Variants in SCN8A observed in about 807,000 individuals in gnomAD.
SCN8A encodes sodium channel protein type 8 subunit alpha.
In SCN8A, 30 loss-of-function variants were observed where a neutral mutation model predicts 184.1. The ratio of observed to expected loss-of-function variants is 0.16; its 90% confidence interval spans 0.12 to 0.22. SCN8A has a LOEUF of 0.22. Ranked by LOEUF, SCN8A falls within the 10% of genes least tolerant of loss-of-function variation. The probability of loss-of-function intolerance (pLI) is 1.00; values close to 1 mark genes in which losing one functional copy is unlikely to be tolerated. For missense variants in SCN8A, 1,057 were observed against 2,498.9 expected (o/e 0.42, Z 12.30); for synonymous variants, 852 against 907.0 (o/e 0.94, Z 1.09).
chr12:51,706,287 T>C, intron 10 of SCN8A, 135 bp from the exon 11 acceptor site: 1 of 782,752 alleles, frequency 1.3e-6, no homozygotes, highest in Non-Finnish European at 1.9e-6. Flanking sequence ...AGAAACCCTC[T>C]AACAGTCTAG....
chr12:51,604,294 C>G (rs1334981839), intron 1 of SCN8A, among the ~76,000 whole-genome samples: 1 of 150,044 alleles, frequency 6.7e-6, no homozygotes, highest in Admixed American at 6.6e-5. Flanking sequence ...GTGCAGTTAA[C>G]TGTTTGAGCA....
chr12:51,780,251 CAG>C (rs1565923235), intron 20 of SCN8A: 3 of 456,486 alleles, frequency 6.6e-6, no homozygotes, highest in Admixed American at 2.3e-5. Context: ...CTGGGACCTG[CAG>C]AGACTGTAAA....
chr12:51,712,131 C>T (rs1478433614), intron 11 of SCN8A, among the ~76,000 whole-genome samples: 1 of 152,084 alleles, frequency 6.6e-6, no homozygotes, highest in Non-Finnish European at 1.5e-5. Flanking sequence ...CCACAATTTA[C>T]AGGGCAATAT....
At chr12:51,722,156 G>C in intron 12 of SCN8A, 1 of 589,450 alleles carries the variant, frequency 1.7e-6, no homozygotes, top group South Asian at 2.3e-5. Context: ...TTTATTCTTT[G>C]CTCCATTTTC....
rs148518216 is a variant in SCN8A at position 51,677,921 on chromosome 12, G to C, written c.277-6253G>C. On this transcript the variant is annotated intron_variant, in intron 2 of 26. Transcript: ENST00000627620. ...AAAGATCTAATTTGAGACAGATTAG[G>C]TAAAATATTATTGGACTTCATGGGC... is the stretch of plus-strand genomic sequence containing the variant. 3.9e-5 allele frequency among the ~76,000 whole-genome samples: 6 copies of C among 152,220 alleles called. No homozygotes were observed. The East Asian group carries it at 9.7e-4, about 25-fold the overall frequency.
chr12:51,678,491 C>T (rs1315395356), intron 2 of SCN8A, among the ~76,000 whole-genome samples: 1 of 152,212 alleles, frequency 6.6e-6, no homozygotes, highest in South Asian at 2.1e-4. Context: ...TGTGAATTTT[C>T]TAAATCGTAG....
rs553112173 is a variant in SCN8A, at chr12:51,788,611, C to A, written c.4228-84C>A. ...CCCCTGTTCTGTGTTCTCACTGAAC[C>A]TAAGCCTGGCCTTTGGGACCCCTGC... is the stretch of plus-strand genomic sequence containing the variant. On this transcript the variant is annotated intron_variant, in intron 22 of 26. Coordinates refer to ENST00000627620, the MANE Select transcript of SCN8A (RefSeq NM_001330260.2). The A allele has an allele frequency of 4.4e-5, 46 of 1,053,534 alleles. No homozygotes were observed. The African/African-American group carries it at 5.5e-4, about 13-fold the overall frequency. 65.3% of individuals were successfully genotyped at this position (1,053,534 alleles called of 1,614,324 possible). A position where few individuals can be genotyped will look rare whatever the true frequency, so the allele number is the denominator to read the frequency against.
At chr12:51,634,455 C>T (rs1940268435) in intron 1 of SCN8A, among the ~76,000 whole-genome samples, 1 of 151,956 alleles carries the variant, frequency 6.6e-6, no homozygotes, top group Non-Finnish European at 1.5e-5. Context: ...TGAAACAAAT[C>T]AACTGTAATA....
intron 1 of SCN8A, among the ~76,000 whole-genome samples, chr12:51,631,969 C>T (rs188306852): frequency 6.6e-6 from 1 of 152,206 alleles, no homozygotes; most frequent in Non-Finnish European, 1.5e-5. Context: ...TACATCCCCC[C>T]ACTCCCCTGT....
At chr12:51,770,721 G>T in intron 19 of SCN8A, 38 bp downstream of exon 19, 1 of 1,606,804 alleles carries the variant, frequency 6.2e-7, no homozygotes, top group Non-Finnish European at 8.5e-7. Context: ...GGATTGGCTG[G>T]GGAAGGGTGT....
intron 13 of SCN8A, among the ~76,000 whole-genome samples, chr12:51,750,523 A>G (rs1469504514): frequency 3.3e-5 from 5 of 152,164 alleles, no homozygotes; most frequent in African/African-American, 9.7e-5. Flanking sequence ...TGTATTTCTA[A>G]CTCAACCATG....
At position 51,806,316 on chromosome 12, in the gene SCN8A, T is replaced by C. The variant is rs567959849; in HGVS notation, c.4830T>C (p.Phe1610=). The part of the protein sequence containing the change: ...MFLADIIEKY[F]VSPTLFRVIR... ...TGGCAGATATAATTGAGAAATACTT[T>C]GTTTCCCCAACCCTATTCCGAGTCA... Residue 1610 remains phenylalanine, a synonymous_variant, in exon 27 of 27, where the codon TTT becomes TTC. Transcript: ENST00000627620. The surrounding 1 kb of genome is among the most constrained non-coding windows in gnomAD (Gnocchi z 8.7). 6.6e-7 allele frequency: 1 copy of C among 1,523,094 alleles called. No homozygotes were observed. The highest frequency in any genetic ancestry group is 1.4e-5 in the African/African-American group (1 of 72,192). The allele number at this position is 1,523,094 out of a possible 1,614,324, so 94.3% of individuals were successfully genotyped here.
intron 2 of SCN8A, among the ~76,000 whole-genome samples, chr12:51,679,873 A>G (rs912171702): frequency 6.6e-6 from 1 of 151,890 alleles, no homozygotes; most frequent in African/African-American, 2.4e-5. Flanking sequence ...CTACAGGCAC[A>G]TGCCACCATG....
At position 51,786,751 on chromosome 12, in the gene SCN8A, T is replaced by C. The variant is rs747144024; in HGVS notation, c.4152T>C (p.Asn1384=). ...GTGAAAAGCTTATGGAGGGGAACAA[T>C]ACAGAGATCAGATGGAAGAACGTGA... The part of the protein sequence containing the change: ...TECEKLMEGN[N]TEIRWKNVKI... Residue 1384 remains asparagine (N), a synonymous_variant, in exon 22 of 27, where the codon AAT becomes AAC. Transcript: ENST00000627620. The C allele has an allele frequency of 3.1e-6, 5 of 1,613,988 alleles. No individual in the cohort carries two copies. The highest frequency in any genetic ancestry group is 3.4e-6 in the Non-Finnish European group (4 of 1,179,880).
rs1229785692 is a variant in SCN8A at position 51,727,383 on chromosome 12, C to CA, written c.1998+5482dup. 3.3e-5 allele frequency among the ~76,000 whole-genome samples: 5 copies of CA among 150,468 alleles called. No homozygotes were observed. In the East Asian group the frequency reaches 9.7e-4, roughly 29 times the overall value. ...CACTCACCAACAACACAACACAAAA[C>CA]AAAAAAACTATACACCTCCATTTGC... On this transcript the variant is annotated intron_variant, in intron 12 of 26. Transcript: ENST00000627620.
chr12:51,745,801 C>A, intron 12 of SCN8A, 102 bp from the exon 13 acceptor site: 3 of 921,766 alleles, frequency 3.3e-6, no homozygotes, highest in Non-Finnish European at 4.6e-6. Flanking sequence ...AAGTTAAAGA[C>A]TGTAATGAAG....
Position 51,662,769 on chromosome 12 carries a change from AC to A in SCN8A, c.-47del, listed in dbSNP as rs908952648. The A allele has an allele frequency of 6.3e-7, 1 of 1,587,114 alleles. No homozygotes were observed. Among genetic ancestry groups the A allele is most frequent in the African/African-American group, 1.3e-5 (1 of 74,292 alleles). On this transcript the variant is annotated 5_prime_UTR_variant, in exon 2 of 27. Coordinates refer to ENST00000627620, the MANE Select transcript of SCN8A (RefSeq NM_001330260.2). ...TGTGTTGCTGTTTCTTCCAGAGCTG[AC>A]CTGTCCTGGACGCAGCATAACTAAC...
intron 11 of SCN8A, among the ~76,000 whole-genome samples, chr12:51,709,221 A>G (rs1941832442): frequency 6.6e-6 from 1 of 152,248 alleles, no homozygotes; most frequent in East Asian, 1.9e-4. Context: ...TATTTGTTGG[A>G]TAACCAAGTA....
intron 13 of SCN8A, 119 bp downstream of exon 13, chr12:51,746,154 G>A: frequency 1.1e-6 from 1 of 907,444 alleles, no homozygotes; most frequent in South Asian, 2.5e-5. Flanking sequence ...CTTTAGGAAT[G>A]GAACGTATTC....
Sources: allele counts gnomAD v4.1 joint callset (sites outside exome capture counted in the v4.1 genomes callset), GRCh38; gene constraint gnomAD v4.1.1; non-coding constraint Gnocchi (gnomAD v3.1); transcripts MANE v1.5; gene names NCBI Gene and HGNC (gene_info 2026-07-23, HGNC 2026-07-21).